OLFML2A: variants seen among roughly 807,000 people sequenced by gnomAD.
OLFML2A encodes olfactomedin-like protein 2A.
OLFML2A carries 47 observed loss-of-function variants against 60.9 expected under a neutral mutation model. The ratio of observed to expected loss-of-function variants is 0.77; its 90% CI spans 0.61 to 0.98. OLFML2A has a LOEUF of 0.98. Among genes scored for constraint, OLFML2A ranks in the 50% least tolerant of loss-of-function variants. The pLI is 0.00. For synonymous variants in OLFML2A, 372 were observed against 375.0 expected, an observed-to-expected ratio of 0.99 and a Z score of 0.09; for missense variants, 922 against 879.8, an observed-to-expected ratio of 1.05 and a Z score of -0.61.
chr9:124,777,465 A>C lies in OLFML2A; in HGVS notation c.90+105A>C. 8.8e-7 allele frequency: 1 copy of C among 1,135,858 alleles called. No individual in the cohort carries two copies. Among genetic ancestry groups the C allele is most frequent in the Non-Finnish European group, 1.1e-6 (1 of 907,888 alleles). The allele number at this position is 1,135,858 out of a possible 1,614,324, so 70.4% of individuals were successfully genotyped here. ...AGGGAGCCCGGGGCCAGGGCGGAGG[A>C]GCCGGGAGCTGAGAGACCGAACCTG... On this transcript the variant is annotated intron_variant, in intron 1 of 7. Coordinates refer to ENST00000373580, the MANE Select transcript of OLFML2A (RefSeq NM_182487.4). This position sits in a 1 kb window ranked among gnomAD's most constrained non-coding sequence, Gnocchi z 6.2.
intron 1 of OLFML2A, among the ~76,000 whole-genome samples, chr9:124,785,390 CTTTTTTTTTTTT>C (rs1171618111): frequency 1.6e-5 from 1 of 62,254 alleles, no homozygotes; most frequent in South Asian, 7.6e-4. Context: ...CATTTTCTTT[CTTTTTTTTTTTT>C]TTTTTTTTTT....
intron 6 of OLFML2A, among the ~76,000 whole-genome samples, chr9:124,806,619 T>A (rs1007116408): frequency 2.0e-5 from 3 of 151,946 alleles, no homozygotes; most frequent in African/African-American, 7.2e-5. Context: ...TATTTATTTT[T>A]ATTTTATTTT....
rs1244022474 is a variant in OLFML2A at position 124,777,340 on chromosome 9, C to T, written c.70C>T (p.Pro24Ser). The part of the protein sequence containing the change: ...LPLVLLLSGR[P>S]TRADSKVFGD... Reference sequence around the variant, plus strand: ...GCTAGTGCTGCTGCTGAGCGGCCGCCCCACGCGCGCCGACAGTAAGGTACG... The same window carrying T: ...GCTAGTGCTGCTGCTGAGCGGCCGCTCCACGCGCGCCGACAGTAAGGTACG... Residue 24 changes from proline (P) to serine (S), a missense_variant, in exon 1 of 8, where the codon CCC (proline) becomes TCC (serine). Transcript: ENST00000373580. This position sits in a 1 kb window ranked among gnomAD's most constrained non-coding sequence, Gnocchi z 6.2. 7.8e-6 allele frequency: 10 copies of T among 1,290,040 alleles called. No individual in the cohort carries two copies. The South Asian group carries it at 2.4e-4, about 31-fold the overall frequency. 79.9% of individuals were successfully genotyped at this position (1,290,040 alleles called of 1,614,324 possible). A position where few individuals can be genotyped will look rare whatever the true frequency, so the allele number is the denominator to read the frequency against.
chr9:124,809,823 T>C lies in OLFML2A; in HGVS notation c.1370T>C (p.Met457Thr). Residue 457 changes from methionine (M) to threonine (T), a missense_variant, in exon 8 of 8, where the codon ATG (methionine) becomes ACG (threonine). Transcript: ENST00000373580. ...TCGCCTGCAGGCCGCTGGAGTAACA[T>C]GTACAAGCTACCCTACAACTGGATC... ...ENFKQGRWSN[M>T]YKLPYNWIGT... 1 of 1,607,866 alleles carries C rather than the reference T, an allele frequency of 6.2e-7. No homozygotes were observed. Among genetic ancestry groups the C allele is most frequent in the Non-Finnish European group, 8.5e-7 (1 of 1,175,804 alleles).
intron 4 of OLFML2A, 47 bp downstream of exon 4, chr9:124,799,538 G>A (rs1360561867): frequency 7.5e-6 from 11 of 1,470,480 alleles, no homozygotes; most frequent in Admixed American, 2.0e-5. Flanking sequence ...CTGAACTTGG[G>A]AGCTCAGTGT....
At chr9:124,785,164 G>A (rs1166293063) in intron 1 of OLFML2A, among the ~76,000 whole-genome samples, 1 of 150,996 alleles carries the variant, frequency 6.6e-6, no homozygotes, top group African/African-American at 2.4e-5. Flanking sequence ...ATGTTGGCCG[G>A]GCTGGTCTCG....
Position 124,778,068 on chromosome 9 carries a change from C to G in OLFML2A, c.90+708C>G, listed in dbSNP as rs114265865. Among the ~76,000 whole-genome samples, 1,268 of 152,298 alleles carry G rather than the reference C, an allele frequency of 8.3e-3. 28 individuals carry two copies. Among genetic ancestry groups the G allele is most frequent in the African/African-American group, 0.029 (1,193 of 41,568 alleles). ...GCGGTGTGGTCATGCCTGTAAAGTA[C>G]TTAGCACTAGGCCGGGCGCGGTGGC... On this transcript the variant is annotated intron_variant, in intron 1 of 7. Transcript: ENST00000373580.
At chr9:124,785,276 A>G (rs1295750483) in intron 1 of OLFML2A, among the ~76,000 whole-genome samples, 1 of 150,600 alleles carries the variant, frequency 6.6e-6, no homozygotes, top group African/African-American at 2.4e-5. Flanking sequence ...TTATGGCTGA[A>G]TATTTCTCTA....
chr9:124,806,121 C>T (rs1841893070), intron 6 of OLFML2A, among the ~76,000 whole-genome samples: 1 of 151,290 alleles, frequency 6.6e-6, no homozygotes, highest in Admixed American at 6.6e-5. Flanking sequence ...TGGATAATGG[C>T]AGTTTTTAGG....
At position 124,779,945 on chromosome 9, in the gene OLFML2A, C is replaced by G. The variant is rs1164137965; in HGVS notation, c.90+2585C>G. ...TTGGCCCCTCCTTGGGCTTCCTGTT[C>G]CTGGGAGCTCTAGTCTGCCCTCTGG... On this transcript the variant is annotated intron_variant, in intron 1 of 7. Transcript: ENST00000373580. The surrounding 1 kb of genome is among the most constrained non-coding windows in gnomAD (Gnocchi z 4.1). 6.6e-6 allele frequency among the ~76,000 whole-genome samples: 1 copy of G among 152,214 alleles called. No homozygotes were observed. The highest frequency in any genetic ancestry group is 1.9e-4 in the East Asian group (1 of 5,194).
rs934225347 is a variant in OLFML2A, at chr9:124,785,491, G to C, written c.91-1484G>C. Among the ~76,000 whole-genome samples, 3 of 146,288 alleles carry C rather than the reference G, an allele frequency of 2.1e-5. No individual in the cohort carries two copies. In the Admixed American group the frequency reaches 2.1e-4, roughly 10 times the overall value. The stretch of plus-strand genomic sequence containing the variant: ...CGGCTCACTGCAAGCTCTGCCTCCC[G>C]GGTTCATGCCATTCTCCTGCCTCAG... On this transcript the variant is annotated intron_variant, in intron 1 of 7. Transcript: ENST00000373580.
Position 124,804,266 on chromosome 9 carries a change from C to CG in OLFML2A, c.1093dup (p.Ala365GlyfsTer32). 1.9e-6 allele frequency: 3 copies of CG among 1,597,602 alleles called. No individual in the cohort carries two copies. Among genetic ancestry groups the CG allele is most frequent in the Non-Finnish European group, 2.6e-6 (3 of 1,172,578 alleles). ...CTTCAATCCCTGCCACCACCACCAC[C>CG]GCCACCACCACCCCAACCCCCACCA... On this transcript the variant is annotated frameshift_variant, in exon 6 of 8. Coordinates refer to ENST00000373580, the MANE Select transcript of OLFML2A (RefSeq NM_182487.4). LOFTEE classifies it high-confidence loss of function.
Position 124,788,477 on chromosome 9 carries a change from G to A in OLFML2A, c.354+1239G>A, listed in dbSNP as rs144269651. Among the ~76,000 whole-genome samples, 1,310 of 151,902 alleles carry A rather than the reference G, an allele frequency of 8.6e-3. 15 individuals carry two copies. The highest frequency in any genetic ancestry group is 0.014 in the Middle Eastern group (4 of 292). On this transcript the variant is annotated intron_variant, in intron 2 of 7. Transcript: ENST00000373580. Reference sequence around the variant, plus strand: ...AAAAATTAACCCCGCATGGTGGTGCGCATCTGTAATCCCAGCTACTTGGGA... The same window carrying A: ...AAAAATTAACCCCGCATGGTGGTGCACATCTGTAATCCCAGCTACTTGGGA...
intron 6 of OLFML2A, among the ~76,000 whole-genome samples, chr9:124,807,514 C>A (rs1034864601): frequency 6.6e-6 from 1 of 152,058 alleles, no homozygotes; most frequent in African/African-American, 2.4e-5. Flanking sequence ...AACTCCTAAC[C>A]TCAGGTGATC....
At position 124,804,177 on chromosome 9, in the gene OLFML2A, G is replaced by A. The variant is rs1347996157; in HGVS notation, c.1003G>A (p.Ala335Thr). The change falls in exon 6 of 8, where the codon GCA becomes ACA. Residue 335 changes from alanine to threonine, a missense_variant. By Grantham distance (58) the Ala-to-Thr change is moderately conservative. Coordinates refer to ENST00000373580, the MANE Select transcript of OLFML2A (RefSeq NM_182487.4). ...GTCCAACTCCGCAGAGCCCAACTCC[G>A]CAGAGCAGGATGAGGCTGAGCCCAG... is the stretch of plus-strand genomic sequence containing the variant. ...GRSNSAEPNS[A>T]EQDEAEPRSS... is the part of the protein sequence containing the mutation. 45 of 1,614,030 alleles carry A rather than the reference G, an allele frequency of 2.8e-5. No homozygotes were observed. Among genetic ancestry groups the A allele is most frequent in the South Asian group, 3.3e-5 (3 of 91,088 alleles).
intron 5 of OLFML2A, among the ~76,000 whole-genome samples, chr9:124,803,142 C>G (rs1171344527): frequency 6.6e-6 from 1 of 152,198 alleles, no homozygotes; most frequent in Admixed American, 6.5e-5. Flanking sequence ...CTCCTGACCT[C>G]AGGTGATCCA....
intron 2 of OLFML2A, among the ~76,000 whole-genome samples, chr9:124,794,389 C>T (rs564456869): frequency 5.6e-4 from 86 of 152,312 alleles, no homozygotes; most frequent in Admixed American, 4.2e-3. Flanking sequence ...CTCAGAAGAT[C>T]CGGACAAACT....
At chr9:124,783,196 G>C (rs1297574374) in intron 1 of OLFML2A, among the ~76,000 whole-genome samples, 2 of 152,084 alleles carry the variant, frequency 1.3e-5, no homozygotes, top group East Asian at 3.9e-4. Flanking sequence ...GTGGGGGCAG[G>C]CATGGTAGCT....
In OLFML2A at chr9:124,781,183, C is replaced by T. The variant is rs144712540; in HGVS notation, c.90+3823C>T. On this transcript the variant is annotated intron_variant, in intron 1 of 7. Coordinates refer to ENST00000373580, the MANE Select transcript of OLFML2A (RefSeq NM_182487.4). ...TGTCCAGGTAGCAGTTAATATGGCC[C>T]GAACTAGGGCTATGGCTGTGGAGTG... Among the ~76,000 whole-genome samples, 7 of 152,230 alleles carry T rather than the reference C, an allele frequency of 4.6e-5. No individual in the cohort carries two copies. The East Asian group carries it at 9.7e-4, about 21-fold the overall frequency.
Sources: allele counts gnomAD v4.1 joint callset (sites outside exome capture counted in the v4.1 genomes callset), GRCh38; gene constraint gnomAD v4.1.1; non-coding constraint Gnocchi (gnomAD v3.1); transcripts MANE v1.5; gene names NCBI Gene and HGNC (gene_info 2026-07-23, HGNC 2026-07-21).